SULT1C3: variants seen among roughly 807,000 people sequenced by gnomAD.
SULT1C3 encodes the protein sulfotransferase 1C3.
Under a neutral mutation model 28.4 loss-of-function variants are expected in SULT1C3, and 31 were observed. That is an observed-to-expected ratio of 1.09 (90% CI 0.82 to 1.47). The LOEUF is 1.47. Among genes scored for constraint, SULT1C3 ranks in the 40% most tolerant of loss-of-function variants. SULT1C3 has a pLI of 0.00. For synonymous variants in SULT1C3, 106 were observed against 92.2 expected, an observed-to-expected ratio of 1.15 and a Z score of -0.86; for missense variants, 307 against 272.5, an observed-to-expected ratio of 1.13 and a Z score of -0.89.
chr2:108,261,932 C>T (rs1676034440), downstream of SULT1C3, among the ~76,000 whole-genome samples: 2 of 152,066 alleles, frequency 1.3e-5, no homozygotes, highest in Non-Finnish European at 2.9e-5. Context: ...AAGAGAGCAG[C>T]TGGTCCCTAA....
intron 3 of SULT1C3, 27 bp from the exon 4 acceptor site, chr2:108,253,318 C>A (rs1313280170): frequency 2.1e-6 from 3 of 1,434,780 alleles, no homozygotes; most frequent in Non-Finnish European, 2.8e-6. Flanking sequence ...CAAGAATAAA[C>A]AAAGAATATA....
intron 2 of SULT1C3, among the ~76,000 whole-genome samples, chr2:108,250,791 A>C (rs1179984628): frequency 6.6e-6 from 1 of 152,108 alleles, no homozygotes; most frequent in Non-Finnish European, 1.5e-5. Context: ...GTGTGAAAAA[A>C]TTCAGACACA....
chr2:108,256,411 T>C (rs1318881781), intron 5 of SULT1C3, among the ~76,000 whole-genome samples: 1 of 152,126 alleles, frequency 6.6e-6, no homozygotes, highest in Non-Finnish European at 1.5e-5. Flanking sequence ...GGACCATCTT[T>C]ACATATTTGT....
chr2:108,259,494 C>T (rs528593846), intron 7 of SULT1C3, among the ~76,000 whole-genome samples: 51 of 152,238 alleles, frequency 3.4e-4, no homozygotes, highest in Non-Finnish European at 3.1e-4. Context: ...CAACCATGAA[C>T]TTCCCTTTGA....
chr2:108,255,457 A>T (rs1675843268), intron 4 of SULT1C3, 115 bp from the exon 5 acceptor site: 15 of 1,221,380 alleles, frequency 1.2e-5, no homozygotes, highest in Middle Eastern at 2.0e-4. Context: ...TAACTAATGT[A>T]TCTAATGCTA....
chr2:108,248,936 G>C (rs559764239), intron 2 of SULT1C3, among the ~76,000 whole-genome samples: 1 of 152,158 alleles, frequency 6.6e-6, no homozygotes, highest in Non-Finnish European at 1.5e-5. Flanking sequence ...TGGCAGAGGA[G>C]AAAGTCTGAG....
At chr2:108,240,349 T>C (rs894051766) in intron 1 of SULT1C3, among the ~76,000 whole-genome samples, 3 of 152,228 alleles carry the variant, frequency 2.0e-5, no homozygotes, top group African/African-American at 7.2e-5. Context: ...AATGAGATGC[T>C]AAATGCATTC....
chr2:108,262,424 G>T (rs916812577), downstream of SULT1C3, among the ~76,000 whole-genome samples: 1 of 152,184 alleles, frequency 6.6e-6, no homozygotes, highest in Non-Finnish European at 1.5e-5. Flanking sequence ...TGGACTCAGA[G>T]TATTGATGAC....
At chr2:108,254,081 C>T (rs1675801575) in intron 4 of SULT1C3, among the ~76,000 whole-genome samples, 1 of 151,968 alleles carries the variant, frequency 6.6e-6, no homozygotes, top group Non-Finnish European at 1.5e-5. Context: ...CCTGTAACCT[C>T]TACTCTTCCT....
At chr2:108,251,289 G>C (rs1359105791) in intron 2 of SULT1C3, among the ~76,000 whole-genome samples, 1 of 151,904 alleles carries the variant, frequency 6.6e-6, no homozygotes, top group Non-Finnish European at 1.5e-5. Context: ...ATAAAAATTA[G>C]GTAAAGTAGG....
At chr2:108,254,317 C>T (rs1237012579) in intron 4 of SULT1C3, among the ~76,000 whole-genome samples, 1 of 152,010 alleles carries the variant, frequency 6.6e-6, no homozygotes, top group Admixed American at 6.6e-5. Context: ...TCTCATCTGA[C>T]TCAAGCATCT....
downstream of SULT1C3, among the ~76,000 whole-genome samples, chr2:108,262,831 C>A (rs1676053166): frequency 6.6e-6 from 1 of 152,114 alleles, no homozygotes; most frequent in African/African-American, 2.4e-5. Context: ...TAACAAGATG[C>A]AGATGAACTG....
chr2:108,246,738 T>C (rs1675591768), intron 1 of SULT1C3, among the ~76,000 whole-genome samples: 2 of 152,194 alleles, frequency 1.3e-5, no homozygotes, highest in Non-Finnish European at 2.9e-5. Flanking sequence ...CTTAAAACCA[T>C]TGTTTTGAAT....
In SULT1C3 at chr2:108,253,381, T is replaced by C. The variant is rs1011789065; in HGVS notation, c.338T>C (p.Leu113Pro). ...GTTCTTGAAATGTCCTCACCACAAC[T>C]GATAAAAACACATCTCCCTTCACAT... is the stretch of plus-strand genomic sequence containing the variant. The part of the protein sequence containing the change: ...EFVLEMSSPQ[L>P]IKTHLPSHLI... Residue 113 changes from leucine to proline, a missense_variant, in exon 4 of 8, where the codon CTG becomes CCG. Physicochemically the swap from Leu to Pro is moderately conservative, Grantham distance 98 (BLOSUM62 -3). Transcript: ENST00000681802. 4 of 1,582,552 alleles carry C rather than the reference T, an allele frequency of 2.5e-6. No homozygotes were observed. The East Asian group carries it at 6.8e-5, about 27-fold the overall frequency.
intron 2 of SULT1C3, among the ~76,000 whole-genome samples, chr2:108,249,716 CA>C (rs1675682151): frequency 6.6e-6 from 1 of 152,042 alleles, no homozygotes; most frequent in African/African-American, 2.4e-5. Flanking sequence ...AATTCAATCT[CA>C]ATCACAAACT....
intron 2 of SULT1C3, among the ~76,000 whole-genome samples, chr2:108,249,204 G>A (rs749692455): frequency 2.0e-5 from 3 of 151,926 alleles, no homozygotes; most frequent in African/African-American, 4.8e-5. Context: ...AACTATGACC[G>A]AATATTCAGG....
intron 1 of SULT1C3, among the ~76,000 whole-genome samples, chr2:108,246,492 T>C (rs1675580061): frequency 6.6e-6 from 1 of 152,076 alleles, no homozygotes; most frequent in African/African-American, 2.4e-5. Context: ...GAACTCCCCC[T>C]TATAATGGGT....
downstream of SULT1C3, chr2:108,264,876 T>C (rs1426877942): frequency 6.2e-7 from 1 of 1,613,726 alleles, no homozygotes; most frequent in Non-Finnish European, 8.5e-7. Flanking sequence ...AAAAGACATA[T>C]CAGAGGAAAT....
chr2:108,246,404 C>T (rs1239179877), intron 1 of SULT1C3, among the ~76,000 whole-genome samples: 2 of 152,050 alleles, frequency 1.3e-5, no homozygotes, highest in Admixed American at 6.6e-5. Context: ...TAAAGTTCCA[C>T]GTATCTGGGG....
Sources: allele counts gnomAD v4.1 joint callset (sites outside exome capture counted in the v4.1 genomes callset), GRCh38; gene constraint gnomAD v4.1.1; transcripts MANE v1.5; gene names NCBI Gene and HGNC (gene_info 2026-07-23, HGNC 2026-07-21).